Variants in CNNM2 observed in about 807,000 individuals in gnomAD.
The protein encoded by CNNM2 is cyclin and CBS domain divalent metal cation transport mediator 2.
Under a neutral mutation model 66.9 loss-of-function variants are expected in CNNM2, and 12 were observed. That is an observed-to-expected ratio of 0.18 (90% CI 0.11 to 0.29). The LOEUF (loss-of-function observed/expected upper bound fraction) is 0.29. Ranked by LOEUF, CNNM2 falls within the 10% of genes least tolerant of loss-of-function variation. The pLI is 1.00. For missense variants in CNNM2, 705 were observed against 1,167.7 expected (o/e 0.60, Z 5.77); for synonymous variants, 557 against 501.8 (o/e 1.11, Z -1.47).
chr10:102,989,929 A>AT (rs1390013856), intron 1 of CNNM2, among the ~76,000 whole-genome samples: 3 of 151,338 alleles, frequency 2.0e-5, no homozygotes, highest in African/African-American at 7.3e-5. Context: ...ACAGCCTCTT[A>AT]CTTTTCATAT....
At chr10:102,945,440 CT>C (rs932416860) in intron 1 of CNNM2, among the ~76,000 whole-genome samples, 15 of 152,038 alleles carry the variant, frequency 9.9e-5, no homozygotes, top group Non-Finnish European at 1.9e-4. Flanking sequence ...TAGAGTATAA[CT>C]TTTTTGCAAG....
rs571173101 is a variant in CNNM2, at chr10:102,967,788, C to T, written c.1621+47687C>T. Reference sequence around the variant, plus strand: ...CTTTGGGGGGCCGAGGCGGGCGGATCACCTGAGGTCAGGAGTTCCTGCCCA... The same window carrying T: ...CTTTGGGGGGCCGAGGCGGGCGGATTACCTGAGGTCAGGAGTTCCTGCCCA... On this transcript the variant is annotated intron_variant, in intron 1 of 7. Coordinates refer to ENST00000369878, the MANE Select transcript of CNNM2 (RefSeq NM_017649.5). Among the ~76,000 whole-genome samples, 526 of 152,310 alleles carry T rather than the reference C, an allele frequency of 3.5e-3. 3 individuals carry two copies. The highest frequency in any genetic ancestry group is 0.014 in the Middle Eastern group (4 of 294).
chr10:102,987,883 C>T lies in CNNM2; in HGVS notation c.1622-61824C>T, dbSNP rs893683557. Among the ~76,000 whole-genome samples the T allele has an allele frequency of 2.6e-5, 4 of 152,208 alleles. No individual in the cohort carries two copies. The South Asian group carries it at 8.3e-4, about 32-fold the overall frequency. On this transcript the variant is annotated intron_variant, in intron 1 of 7. Coordinates refer to ENST00000369878, the MANE Select transcript of CNNM2 (RefSeq NM_017649.5). ...GGTTCCAAAGATAATGAGACCAGAGCCAAAGGTCAGAGTCCACTGTCTTCT... is the reference window on the plus strand; with the variant it reads ...GGTTCCAAAGATAATGAGACCAGAGTCAAAGGTCAGAGTCCACTGTCTTCT...
At chr10:103,014,945 A>T (rs901127075) in intron 1 of CNNM2, among the ~76,000 whole-genome samples, 1 of 152,202 alleles carries the variant, frequency 6.6e-6, no homozygotes, top group African/African-American at 2.4e-5. Context: ...ATTTCAAAAC[A>T]TGCTTACAAA....
chr10:102,946,237 G>C (rs1846613847), intron 1 of CNNM2, among the ~76,000 whole-genome samples: 1 of 152,178 alleles, frequency 6.6e-6, no homozygotes, highest in Non-Finnish European at 1.5e-5. Context: ...GAGGCCAGAG[G>C]CTGGGGGAGG....
chr10:103,031,711 GAGA>G (rs771896193), intron 1 of CNNM2, among the ~76,000 whole-genome samples: 20 of 152,192 alleles, frequency 1.3e-4, no homozygotes, highest in Non-Finnish European at 2.8e-4. Flanking sequence ...AAAGTGAAAT[GAGA>G]AGGAGGGAAA....
intron 1 of CNNM2, among the ~76,000 whole-genome samples, chr10:102,993,073 T>TA (rs1051544160): frequency 1.1e-4 from 17 of 152,244 alleles, no homozygotes; most frequent in African/African-American, 4.1e-4. Context: ...GTCCTTGTCT[T>TA]ACTTGTTTTC....
rs1485522899 is a variant in CNNM2, at chr10:103,080,997, G to A, written c.*3817G>A. On this transcript the variant is annotated 3_prime_UTR_variant, in exon 8 of 8. Transcript: ENST00000369878. ...CCTCGCCTTGCCTAGGCCCAGGAAG[G>A]TGAGGTCTCCTGGGCAACCAGAGTT... 3.3e-5 allele frequency: 5 copies of A among 152,176 alleles called. No homozygotes were observed. Among genetic ancestry groups the A allele is most frequent in the African/African-American group, 1.2e-4 (5 of 41,432 alleles). 9.4% of individuals were successfully genotyped at this position (152,176 alleles called of 1,614,324 possible).
chr10:103,076,939 G>C, intron 7 of CNNM2, 32 bp from the exon 8 acceptor site: 1 of 1,587,990 alleles, frequency 6.3e-7, no homozygotes, highest in African/African-American at 1.3e-5. Flanking sequence ...GCATTATCTT[G>C]GTTTGTTTTC....
Position 103,076,103 on chromosome 10 carries a change from C to T in CNNM2, c.2251C>T (p.Pro751Ser), listed in dbSNP as rs2065685684. The T allele has an allele frequency of 6.2e-7, 1 of 1,611,752 alleles. No homozygotes were observed. The highest frequency in any genetic ancestry group is 1.7e-5 in the Admixed American group (1 of 59,780). ...AGSPGENKSP[P>S]RPCGLNHSDS... ...TTTTCCAGGTGAAAATAAGTCCCCT[C>T]CTCGCCCATGTGGCTTGAATCACTC... is the stretch of plus-strand genomic sequence containing the variant. Residue 751 changes from proline to serine, a missense_variant, in exon 7 of 8, where the codon CCT becomes TCT. Physicochemically the swap from Pro to Ser is moderately conservative, Grantham distance 74 (BLOSUM62 -1). Around this residue, in one of 9 missense-constraint regions of CNNM2, gnomAD observed 194 missense variants for 227.6 expected, o/e 0.85. Transcript: ENST00000369878.
At chr10:103,033,471 G>T (rs1047235177) in intron 1 of CNNM2, among the ~76,000 whole-genome samples, 4 of 150,456 alleles carry the variant, frequency 2.7e-5, no homozygotes, top group African/African-American at 7.3e-5. Flanking sequence ...ATTACAAATA[G>T]GCGTGAGCCA....
chr10:102,964,167 C>T (rs973645935), intron 1 of CNNM2, among the ~76,000 whole-genome samples: 5 of 151,946 alleles, frequency 3.3e-5, no homozygotes, highest in African/African-American at 1.2e-4. Context: ...TAATTTTATG[C>T]ATAACATAAA....
Position 103,077,588 on chromosome 10 carries a change from C to T in CNNM2, c.*408C>T, listed in dbSNP as rs2065712240. ...AGTTTTAAGTTGTTCTGTCTGAACT[C>T]TGCTGTGATCCCATGATGTGACCCT... is the stretch of plus-strand genomic sequence containing the variant. On this transcript the variant is annotated 3_prime_UTR_variant, in exon 8 of 8. Coordinates refer to ENST00000369878, the MANE Select transcript of CNNM2 (RefSeq NM_017649.5). 5.3e-6 allele frequency: 1 copy of T among 189,440 alleles called. No homozygotes were observed. The highest frequency in any genetic ancestry group is 2.3e-5 in the African/African-American group (1 of 42,746). The allele number at this position is 189,440 out of a possible 1,614,324, so 11.7% of individuals were successfully genotyped here.
intron 1 of CNNM2, among the ~76,000 whole-genome samples, chr10:102,949,423 C>T (rs1421924019): frequency 4.0e-5 from 6 of 151,782 alleles, no homozygotes; most frequent in Admixed American, 3.3e-4. Context: ...AATCCGCCTG[C>T]CTCAGCCTCC....
At chr10:102,947,597 A>G (rs1268261934) in intron 1 of CNNM2, among the ~76,000 whole-genome samples, 1 of 152,038 alleles carries the variant, frequency 6.6e-6, no homozygotes, top group East Asian at 1.9e-4. Flanking sequence ...CTAAAAATAC[A>G]AAAATTAGCT....
chr10:103,078,565 T>C lies in CNNM2; in HGVS notation c.*1385T>C, dbSNP rs1357506031. On this transcript the variant is annotated 3_prime_UTR_variant, in exon 8 of 8. Transcript: ENST00000369878. ...CATGTAGTGAAATTATGTCAGGAGG[T>C]ATATGAGTGACTGAATTCTTAACTA... 1 of 152,222 alleles carries C rather than the reference T, an allele frequency of 6.6e-6. No homozygotes were observed. The highest frequency in any genetic ancestry group is 2.4e-5 in the African/African-American group (1 of 41,436). 9.4% of individuals were successfully genotyped at this position (152,222 alleles called of 1,614,324 possible).
At chr10:102,942,269 C>T (rs1841380871) in intron 1 of CNNM2, among the ~76,000 whole-genome samples, 1 of 152,204 alleles carries the variant, frequency 6.6e-6, no homozygotes, top group African/African-American at 2.4e-5. Context: ...CATTCCAGAA[C>T]GCTTTTCATC....
intron 1 of CNNM2, among the ~76,000 whole-genome samples, chr10:103,002,641 G>A (rs1006271774): frequency 5.3e-5 from 8 of 151,994 alleles, no homozygotes; most frequent in African/African-American, 1.7e-4. Flanking sequence ...CACCACACCC[G>A]GCTAATTTTG....
chr10:103,030,899 A>G (rs2064808760), intron 1 of CNNM2, among the ~76,000 whole-genome samples: 1 of 152,176 alleles, frequency 6.6e-6, no homozygotes, highest in Non-Finnish European at 1.5e-5. Flanking sequence ...AGGTTTTGTG[A>G]AGAAGATGAT....
Sources: allele counts gnomAD v4.1 joint callset (sites outside exome capture counted in the v4.1 genomes callset), GRCh38; gene constraint gnomAD v4.1.1; regional missense constraint gnomAD v4.1.1; transcripts MANE v1.5; gene names NCBI Gene and HGNC (gene_info 2026-07-23, HGNC 2026-07-21).